RBFOX1: variants seen among roughly 807,000 people sequenced by gnomAD.
RBFOX1 encodes RNA binding protein fox-1 homolog 1.
RBFOX1 carries 8 observed loss-of-function variants against 57.7 expected under a neutral mutation model. The ratio of observed to expected loss-of-function variants is 0.14; its 90% CI spans 0.08 to 0.25. The LOEUF (loss-of-function observed/expected upper bound fraction) is 0.25. Ranked by LOEUF, RBFOX1 falls within the 10% of genes least tolerant of loss-of-function variation. The pLI, the probability that RBFOX1 is intolerant of heterozygous loss-of-function variation, is 1.00. For synonymous variants in RBFOX1, 326 were observed against 222.4 expected (o/e 1.47, Z -4.15); for missense variants, 611 against 548.5 (o/e 1.11, Z -1.14).
chr16:5,383,243 C>A (rs939171096), intron 1 of RBFOX1, among the ~76,000 whole-genome samples: 1 of 152,120 alleles, frequency 6.6e-6, no homozygotes, highest in East Asian at 1.9e-4. Flanking sequence ...CTGGCAAGAT[C>A]TGAAATTCAT....
chr16:6,805,418 C>A lies in RBFOX1; in HGVS notation c.-16+150768C>A, dbSNP rs115722909. Among the ~76,000 whole-genome samples, 372 of 152,116 alleles carry A rather than the reference C, an allele frequency of 2.4e-3. 3 individuals carry two copies. Among genetic ancestry groups the A allele is most frequent in the African/African-American group, 8.5e-3 (351 of 41,498 alleles). ...TAGAGGGTAGGAGGAGGGAGAAGAG[C>A]AGAAAAAAATAACTTGGGTACTTGG... is the stretch of plus-strand genomic sequence containing the variant. On this transcript the variant is annotated intron_variant, in intron 3 of 15. Coordinates refer to ENST00000550418, the MANE Select transcript of RBFOX1 (RefSeq NM_018723.4).
intron 1 of RBFOX1, among the ~76,000 whole-genome samples, chr16:6,306,170 T>G (rs1347106244): frequency 6.6e-6 from 1 of 152,172 alleles, no homozygotes; most frequent in Non-Finnish European, 1.5e-5. Context: ...ACTAATCAAA[T>G]GCTTATGTTT....
chr16:6,991,292 C>G (rs1239657348), intron 3 of RBFOX1, among the ~76,000 whole-genome samples: 1 of 151,968 alleles, frequency 6.6e-6, no homozygotes, highest in Admixed American at 6.6e-5. Context: ...AGAGTGAGAC[C>G]TTGTCTCAAA....
At chr16:6,461,122 A>G (rs2153064300) in intron 2 of RBFOX1, among the ~76,000 whole-genome samples, 1 of 152,284 alleles carries the variant, frequency 6.6e-6, no homozygotes, top group South Asian at 2.1e-4. Flanking sequence ...GGGGGGAAGA[A>G]AGCATTAGGG....
At chr16:5,762,693 GA>G (rs1278644747) in intron 3 of RBFOX1, among the ~76,000 whole-genome samples, 2 of 152,008 alleles carry the variant, frequency 1.3e-5, no homozygotes, top group African/African-American at 2.4e-5. Flanking sequence ...CAATAACGGG[GA>G]AAAAAATCAA....
intron 3 of RBFOX1, among the ~76,000 whole-genome samples, chr16:5,676,082 C>G (rs2050160676): frequency 6.6e-6 from 1 of 151,984 alleles, no homozygotes; most frequent in African/African-American, 2.4e-5. Flanking sequence ...CACACCAGGG[C>G]CTGCTGGGGC....
At chr16:5,747,968 G>C (rs878855494) in intron 3 of RBFOX1, among the ~76,000 whole-genome samples, 1 of 152,026 alleles carries the variant, frequency 6.6e-6, no homozygotes. Context: ...TGTGATGTTA[G>C]GGTGTCAATT....
chr16:6,944,044 G>A (rs1451903993), intron 3 of RBFOX1, among the ~76,000 whole-genome samples: 1 of 152,046 alleles, frequency 6.6e-6, no homozygotes, highest in Non-Finnish European at 1.5e-5. Context: ...TTTTAACAGG[G>A]ACAACCAACA....
intron 3 of RBFOX1, among the ~76,000 whole-genome samples, chr16:6,755,809 G>A (rs2075698491): frequency 1.3e-5 from 2 of 151,950 alleles, no homozygotes; most frequent in African/African-American, 4.8e-5. Flanking sequence ...GCCCCTATTT[G>A]GAGCGATTAT....
At chr16:6,191,027 G>C (rs751381757) in intron 1 of RBFOX1, among the ~76,000 whole-genome samples, 2 of 151,814 alleles carry the variant, frequency 1.3e-5, no homozygotes, top group African/African-American at 2.4e-5. Flanking sequence ...ATTTGACCTT[G>C]ACAGCCAAGG....
chr16:7,412,240 C>T (rs181067191), intron 4 of RBFOX1, among the ~76,000 whole-genome samples: 88 of 151,716 alleles, frequency 5.8e-4, no homozygotes, highest in African/African-American at 1.9e-3. Context: ...CATGGTGAAA[C>T]CCCATCTCTA....
intron 4 of RBFOX1, among the ~76,000 whole-genome samples, chr16:7,056,902 G>A (rs1292338742): frequency 2.0e-5 from 3 of 152,030 alleles, no homozygotes; most frequent in Non-Finnish European, 4.4e-5. Flanking sequence ...CACTGGTATG[G>A]ACTTAGGTTC....
chr16:7,094,744 C>CTGTGTGTGTGTGTGTGTG lies in RBFOX1; in HGVS notation c.27+42661_27+42678dup, dbSNP rs370249382. Reference sequence around the variant, plus strand: ...ACTGAAATAAGGGCAGACTGTACAGCTGTGTGTGTGTGTGTGTGTGTGTGT... The same window carrying CTGTGTGTGTGTGTGTGTG: ...ACTGAAATAAGGGCAGACTGTACAGCTGTGTGTGTGTGTGTGTGTGTGTGTGTGTGTGTGTGTGTGTGT... On this transcript the variant is annotated intron_variant, in intron 4 of 15. Transcript: ENST00000550418. Among the ~76,000 whole-genome samples the CTGTGTGTGTGTGTGTGTG allele has an allele frequency of 6.4e-3, 898 of 139,396 alleles. 9 individuals are homozygous for CTGTGTGTGTGTGTGTGTG. Among genetic ancestry groups the CTGTGTGTGTGTGTGTGTG allele is most frequent in the Middle Eastern group, 0.018 (5 of 272 alleles). 91.4% of individuals were successfully genotyped at this position (139,396 alleles called of 152,430 possible).
intron 3 of RBFOX1, among the ~76,000 whole-genome samples, chr16:6,712,474 A>G (rs558676677): frequency 6.6e-6 from 1 of 152,168 alleles, no homozygotes; most frequent in South Asian, 2.1e-4. Flanking sequence ...TCTCCCGAGG[A>G]CTATTTTCTC....
chr16:5,861,482 A>G (rs1490509753), intron 3 of RBFOX1, among the ~76,000 whole-genome samples: 2 of 152,214 alleles, frequency 1.3e-5, no homozygotes, highest in Non-Finnish European at 2.9e-5. Flanking sequence ...TTTTCTGAAT[A>G]TTCACGTGGA....
In RBFOX1 at chr16:6,399,038, T is replaced by C. The variant is rs533387423; in HGVS notation, c.-64+81981T>C. 8.5e-5 allele frequency among the ~76,000 whole-genome samples: 13 copies of C among 152,312 alleles called. No individual in the cohort carries two copies. In the East Asian group the frequency reaches 2.3e-3, roughly 27 times the overall value. ...GGCGAAGGTTCCCAAACCTCAATGC[T>C]TGTCTTCTGTGCACCCACAGGAGCA... On this transcript the variant is annotated intron_variant, in intron 2 of 15. Transcript: ENST00000550418.
chr16:5,879,976 G>T (rs537959162), intron 4 of RBFOX1, among the ~76,000 whole-genome samples: 2 of 152,304 alleles, frequency 1.3e-5, no homozygotes, highest in South Asian at 4.1e-4. Context: ...TGTAACAAGA[G>T]GCCTGAGAAG....
chr16:6,762,685 T>A (rs1310473353), intron 3 of RBFOX1, among the ~76,000 whole-genome samples: 1 of 152,190 alleles, frequency 6.6e-6, no homozygotes, highest in Admixed American at 6.5e-5. Flanking sequence ...TTATTTGTTT[T>A]GGGCCCCAGT....
At chr16:6,053,110 A>C (rs1012772742) in intron 1 of RBFOX1, among the ~76,000 whole-genome samples, 3 of 152,054 alleles carry the variant, frequency 2.0e-5, no homozygotes, top group African/African-American at 7.2e-5. Context: ...TCCTTTTAAC[A>C]CTTGGGGCTG....
Sources: gnomAD v4.1 joint callset for allele counts (sites outside exome capture counted in the v4.1 genomes callset) on GRCh38, gnomAD v4.1.1 for gene constraint, MANE v1.5 for transcripts, NCBI Gene and HGNC (gene_info 2026-07-23, HGNC 2026-07-21) for gene names.